Variants in C8orf34 observed in about 807,000 individuals in gnomAD.
The protein encoded by C8orf34 is uncharacterized protein C8orf34.
Under a neutral mutation model 68.3 loss-of-function variants are expected in C8orf34, and 65 were observed. The observed-to-expected ratio is 0.95, with a 90% CI of 0.78 to 1.17. The LOEUF is 1.17. Among genes scored for constraint, C8orf34 ranks in the 50% most tolerant of loss-of-function variants. The pLI, the probability that C8orf34 is intolerant of heterozygous loss-of-function variation, is 0.00. For synonymous variants in C8orf34, 244 were observed against 241.2 expected (o/e 1.01, Z -0.11); for missense variants, 664 against 655.4 (o/e 1.01, Z -0.14).
At chr8:68,602,551 T>G (rs560621099) in intron 7 of C8orf34, among the ~76,000 whole-genome samples, 1 of 152,114 alleles carries the variant, frequency 6.6e-6, no homozygotes, top group African/African-American at 2.4e-5. Context: ...ACCCCCATGA[T>G]TAAATTACCT....
At chr8:68,486,598 C>G (rs983385783) in intron 4 of C8orf34, among the ~76,000 whole-genome samples, 1 of 152,086 alleles carries the variant, frequency 6.6e-6, no homozygotes, top group Non-Finnish European at 1.5e-5. Flanking sequence ...TGAAGTTGTG[C>G]GTACTTTTTC....
intron 8 of C8orf34, among the ~76,000 whole-genome samples, chr8:68,678,107 C>G (rs1156627003): frequency 6.6e-6 from 1 of 152,104 alleles, no homozygotes; most frequent in Non-Finnish European, 1.5e-5. Context: ...CCTAGCCTGG[C>G]ACCTGATGGC....
intron 13 of C8orf34, among the ~76,000 whole-genome samples, chr8:68,816,525 T>A (rs1217502045): frequency 2.0e-5 from 3 of 152,144 alleles, no homozygotes; most frequent in African/African-American, 7.2e-5. Flanking sequence ...TGGAAAGAAC[T>A]TAGAACCAGC....
At chr8:68,561,142 C>T (rs916642049) in intron 7 of C8orf34, among the ~76,000 whole-genome samples, 26 of 151,632 alleles carry the variant, frequency 1.7e-4, no homozygotes, top group Admixed American at 1.3e-4. Context: ...GCCACCACAC[C>T]GGGCTAATTT....
intron 9 of C8orf34, among the ~76,000 whole-genome samples, chr8:68,716,755 C>G (rs1226169541): frequency 1.3e-5 from 2 of 151,780 alleles, no homozygotes; most frequent in Non-Finnish European, 2.9e-5. Context: ...AATCTAAAAC[C>G]TAGAAACTCC....
At chr8:68,693,211 G>T (rs543055704) in intron 8 of C8orf34, among the ~76,000 whole-genome samples, 24 of 152,168 alleles carry the variant, frequency 1.6e-4, no homozygotes, top group Admixed American at 1.4e-3. Flanking sequence ...GTAAAGGAAG[G>T]CTGTGGGTCT....
intron 12 of C8orf34, among the ~76,000 whole-genome samples, chr8:68,801,333 G>T (rs1490147328): frequency 6.6e-6 from 1 of 152,122 alleles, no homozygotes; most frequent in African/African-American, 2.4e-5. Flanking sequence ...AGAAGATACG[G>T]CAATACTAGG....
chr8:68,782,847 A>G (rs1160377630), intron 11 of C8orf34, among the ~76,000 whole-genome samples: 1 of 151,982 alleles, frequency 6.6e-6, no homozygotes, highest in Admixed American at 6.5e-5. Context: ...GCTTAATCCC[A>G]GGAATTGAAG....
At chr8:68,530,029 A>G (rs1228349632) in intron 6 of C8orf34, among the ~76,000 whole-genome samples, 4 of 152,064 alleles carry the variant, frequency 2.6e-5, no homozygotes, top group Non-Finnish European at 5.9e-5. Context: ...GTCTTTTTAC[A>G]TGAAAACATA....
chr8:68,614,349 A>C (rs1281766972), intron 7 of C8orf34, among the ~76,000 whole-genome samples: 58 of 152,030 alleles, frequency 3.8e-4, no homozygotes, highest in Non-Finnish European at 5.6e-4. Context: ...GTGTTTTAGA[A>C]ATGAAGTCCT....
At chr8:68,643,253 C>G (rs1819066267) in intron 8 of C8orf34, among the ~76,000 whole-genome samples, 1 of 152,150 alleles carries the variant, frequency 6.6e-6, no homozygotes, top group Non-Finnish European at 1.5e-5. Context: ...TCTCCAACAC[C>G]AATCCATGTC....
intron 10 of C8orf34, among the ~76,000 whole-genome samples, chr8:68,723,452 G>C (rs1446503754): frequency 6.6e-6 from 1 of 152,054 alleles, no homozygotes; most frequent in South Asian, 2.1e-4. Context: ...ACCAAAGCTA[G>C]GGTTCCAAAT....
At chr8:68,661,011 T>A (rs1019454633) in intron 8 of C8orf34, among the ~76,000 whole-genome samples, 15 of 152,156 alleles carry the variant, frequency 9.9e-5, no homozygotes, top group African/African-American at 2.9e-4. Flanking sequence ...CTCTTAACTG[T>A]TGTACCCTCC....
At chr8:68,793,394 A>C (rs1563673182) in intron 12 of C8orf34, among the ~76,000 whole-genome samples, 2 of 152,232 alleles carry the variant, frequency 1.3e-5, no homozygotes, top group African/African-American at 4.8e-5. Flanking sequence ...AAAATAGTTG[A>C]TTCCAGAAGG....
chr8:68,345,736 C>T (rs955100527), intron 1 of C8orf34, among the ~76,000 whole-genome samples: 1 of 151,582 alleles, frequency 6.6e-6, no homozygotes, highest in Admixed American at 6.6e-5. Context: ...TACATATATA[C>T]ATATAAGTGG....
intron 1 of C8orf34, among the ~76,000 whole-genome samples, chr8:68,404,734 A>AAATC (rs1809115439): frequency 6.6e-6 from 1 of 152,144 alleles, no homozygotes; most frequent in Non-Finnish European, 1.5e-5. Flanking sequence ...ATTGGTCTAG[A>AAATC]AATCTGTTTT....
At chr8:68,391,534 G>A (rs564460779) in intron 1 of C8orf34, among the ~76,000 whole-genome samples, 6 of 152,094 alleles carry the variant, frequency 3.9e-5, no homozygotes, top group East Asian at 1.9e-4. Context: ...CCTCTTCTGC[G>A]ATTTGTTCTT....
chr8:68,526,053 G>A (rs565624764), intron 6 of C8orf34: 71 of 162,688 alleles, frequency 4.4e-4, no homozygotes, highest in Non-Finnish European at 7.9e-4. Flanking sequence ...CTCCCTCCCA[G>A]TTCAAGTGAG....
intron 6 of C8orf34, among the ~76,000 whole-genome samples, chr8:68,527,704 G>T (rs1351021267): frequency 6.6e-6 from 1 of 152,146 alleles, no homozygotes; most frequent in Non-Finnish European, 1.5e-5. Context: ...TAAATCCTTT[G>T]CTCTACAGTC....
Sources: allele counts gnomAD v4.1 joint callset (sites outside exome capture counted in the v4.1 genomes callset), GRCh38; gene constraint gnomAD v4.1.1; transcripts MANE v1.5; gene names NCBI Gene and HGNC (gene_info 2026-07-23, HGNC 2026-07-21).